The following KIAA0586 variants were observed in gnomAD, a reference collection of about 807,000 sequenced individuals.
The protein encoded by KIAA0586 is KIAA0586.
A neutral mutation model predicts 169.8 loss-of-function variants in KIAA0586; 144 were observed. That is an observed-to-expected ratio of 0.85 (90% confidence interval 0.74 to 0.97). The LOEUF is 0.97. KIAA0586 is among the 50% of genes least tolerant of loss of function. The pLI is 0.00. For missense variants in KIAA0586, 1,854 were observed against 1,823.0 expected (o/e 1.02, Z -0.31); for synonymous variants, 625 against 612.4 (o/e 1.02, Z -0.30).
chr14:58,435,217 G>A lies in KIAA0586; in HGVS notation c.410+2760G>A, dbSNP rs149327095. 4.9e-4 allele frequency among the ~76,000 whole-genome samples: 74 copies of A among 152,222 alleles called. No individual in the cohort carries two copies. In the East Asian group the frequency reaches 0.011, roughly 22 times the overall value. On this transcript the variant is annotated intron_variant, in intron 4 of 30. Coordinates refer to ENST00000652326, the MANE Select transcript of KIAA0586 (RefSeq NM_001329943.3). ...CAGAGACAGTGCTCTTAACCATTGC[G>A]CCACTACAATAATTCATGATCTATT...
intron 24 of KIAA0586, among the ~76,000 whole-genome samples, chr14:58,489,948 A>G (rs1171883310): frequency 6.6e-6 from 1 of 152,194 alleles, no homozygotes; most frequent in Non-Finnish European, 1.5e-5. Context: ...ATTTCTAACA[A>G]ACTGGTAGGT....
At chr14:58,429,274 G>A (rs1397872047) in intron 1 of KIAA0586, 89 bp from the exon 2 acceptor site, 3 of 756,660 alleles carry the variant, frequency 4.0e-6, no homozygotes, top group South Asian at 1.7e-5. Flanking sequence ...GTTATATGGA[G>A]TTTATAGATC....
intron 27 of KIAA0586, among the ~76,000 whole-genome samples, chr14:58,499,893 A>G (rs1185694907): frequency 2.6e-5 from 4 of 152,230 alleles, no homozygotes; most frequent in Admixed American, 6.5e-5. Flanking sequence ...AGAAAAATAT[A>G]ACGAATCCAT....
rs1001285408 is a variant in KIAA0586 at position 58,550,590 on chromosome 14, A to G, written c.*2658A>G. 2 of 152,060 alleles carry G rather than the reference A, an allele frequency of 1.3e-5. No individual in the cohort carries two copies. The highest frequency in any genetic ancestry group is 2.9e-5 in the Non-Finnish European group (2 of 68,070). The allele number at this position is 152,060 out of a possible 1,614,324, so 9.4% of individuals were successfully genotyped here. The stretch of plus-strand genomic sequence containing the variant: ...GGTGGCTCATGCCTGTAATCCCAAG[A>G]CTTTGGGAGGCCGAGGGTGGATCAC... On this transcript the variant is annotated 3_prime_UTR_variant, in exon 31 of 31. Transcript: ENST00000652326.
chr14:58,528,864 C>G (rs1476869549), intron 29 of KIAA0586, among the ~76,000 whole-genome samples: 5 of 151,962 alleles, frequency 3.3e-5, no homozygotes, highest in Admixed American at 6.6e-5. Context: ...CAGAGCAGAA[C>G]TGAAGGAGAT....
intron 30 of KIAA0586, chr14:58,543,835 A>G (rs576829171): frequency 2.2e-6 from 1 of 445,722 alleles, no homozygotes; most frequent in African/African-American, 2.0e-5. Flanking sequence ...TTTTCCACAC[A>G]GCTATTAGGA....
intron 30 of KIAA0586, 88 bp downstream of exon 30, chr14:58,540,224 A>G: frequency 1.4e-6 from 1 of 734,416 alleles, no homozygotes; most frequent in South Asian, 1.8e-5. Context: ...AATAATCAAC[A>G]CAGTAGAAAT....
rs1219352178 is a variant in KIAA0586, at chr14:58,548,191, G to A, written c.*259G>A. 2.8e-6 allele frequency: 1 copy of A among 355,750 alleles called. No individual in the cohort carries two copies. Among genetic ancestry groups the A allele is most frequent in the African/African-American group, 2.1e-5 (1 of 47,586 alleles). 22.0% of individuals were successfully genotyped at this position (355,750 alleles called of 1,614,324 possible). On this transcript the variant is annotated 3_prime_UTR_variant, in exon 31 of 31. Coordinates refer to ENST00000652326, the MANE Select transcript of KIAA0586 (RefSeq NM_001329943.3). ...AGAGTAGTGAAAGGGCATGGCTTTT[G>A]ACATCTAGGCATTTAATCTATAGGT...
chr14:58,454,751 T>C (rs77055620), intron 9 of KIAA0586, among the ~76,000 whole-genome samples: 1,536 of 152,324 alleles, frequency 0.01, 8 homozygotes, highest in Non-Finnish European at 0.016. Flanking sequence ...TTTGAGGCCT[T>C]TCTTCTTGAC....
intron 3 of KIAA0586, among the ~76,000 whole-genome samples, chr14:58,432,055 TTTTC>T (rs2037419059): frequency 1.3e-5 from 2 of 152,152 alleles, no homozygotes; most frequent in African/African-American, 4.8e-5. Flanking sequence ...TTTGGATGCC[TTTTC>T]TTTCTTTCTC....
intron 28 of KIAA0586, among the ~76,000 whole-genome samples, chr14:58,511,391 A>G (rs927916503): frequency 1.3e-5 from 2 of 152,180 alleles, no homozygotes; most frequent in African/African-American, 4.8e-5. Context: ...TGTTACTATT[A>G]TCCCCATTTC....
chr14:58,488,998 G>A, intron 24 of KIAA0586, 124 bp downstream of exon 24: 1 of 946,320 alleles, frequency 1.1e-6, no homozygotes, highest in Non-Finnish European at 1.6e-6. Context: ...AGAAAGAATA[G>A]GGGACTCAAT....
chr14:58,457,919 TTATTCGTGCAAAAGATGGAGCTGCCATG>T lies in KIAA0586; in HGVS notation c.1530_1557del (p.Ala511LeufsTer59). The T allele has an allele frequency of 6.2e-7, 1 of 1,605,398 alleles. No homozygotes were observed. The highest frequency in any genetic ancestry group is 8.5e-7 in the Non-Finnish European group (1 of 1,175,380). ...GTACTTGAAGAAAACCTGGAAGCTA[TTATTCGTGCAAAAGATGGAGCTGCCATG>T]TATTCGCTTATCAATGCTTTATCTA... is the stretch of plus-strand genomic sequence containing the variant. On this transcript the variant is annotated frameshift_variant, in exon 11 of 31. Transcript: ENST00000652326. LOFTEE classifies it high-confidence loss of function.
intron 6 of KIAA0586, among the ~76,000 whole-genome samples, chr14:58,444,645 A>T (rs1341980710): frequency 6.6e-6 from 1 of 152,046 alleles, no homozygotes; most frequent in Non-Finnish European, 1.5e-5. Flanking sequence ...GCTGGTCTCT[A>T]ACTCCTGACC....
intron 30 of KIAA0586, among the ~76,000 whole-genome samples, chr14:58,541,326 C>G (rs2046624161): frequency 2.6e-5 from 4 of 152,212 alleles, no homozygotes; most frequent in Admixed American, 2.0e-4. Flanking sequence ...AAACAACAGA[C>G]TTACAAGTTA....
At chr14:58,558,197 C>G in the KIAA0586 span, among the ~76,000 whole-genome samples, 1 of 152,036 alleles carries the variant, frequency 6.6e-6, no homozygotes, top group Non-Finnish European at 1.5e-5. Context: ...AGTGGCAAGC[C>G]ACGGCACCAG....
In KIAA0586 at chr14:58,516,574, CA is replaced by C. The variant is rs140730127; in HGVS notation, c.4429+3950del. Among the ~76,000 whole-genome samples the C allele has an allele frequency of 7.1e-3, 1,081 of 152,260 alleles. 9 individuals are homozygous for C. Among genetic ancestry groups the C allele is most frequent in the Non-Finnish European group, 0.01 (710 of 68,014 alleles). On this transcript the variant is annotated intron_variant, in intron 29 of 30. Transcript: ENST00000652326. ...CAGAATTTAAAATGTCAGTTCCCTCCAAATTGATCTATAGATTCAGTGCAAT... is the reference window on the plus strand; with the variant it reads ...CAGAATTTAAAATGTCAGTTCCCTCCAATTGATCTATAGATTCAGTGCAAT...
chr14:58,487,481 C>A (rs1413510926), intron 22 of KIAA0586, among the ~76,000 whole-genome samples: 1 of 152,018 alleles, frequency 6.6e-6, no homozygotes, highest in East Asian at 1.9e-4. Context: ...TGGCACGTGC[C>A]TGTAATCCCA....
chr14:58,435,940 C>A (rs576279825), intron 4 of KIAA0586, among the ~76,000 whole-genome samples: 3 of 152,102 alleles, frequency 2.0e-5, no homozygotes, highest in African/African-American at 7.2e-5. Context: ...AACTCCTGAC[C>A]TTAGGCGATC....
Sources: gnomAD v4.1 joint callset for allele counts (sites outside exome capture counted in the v4.1 genomes callset) on GRCh38, gnomAD v4.1.1 for gene constraint, MANE v1.5 for transcripts, NCBI Gene and HGNC (gene_info 2026-07-23, HGNC 2026-07-21) for gene names.